Variants in HDAC9 observed in about 807,000 individuals in gnomAD.
HDAC9 encodes histone deacetylase 9.
A neutral mutation model predicts 139.4 loss-of-function variants in HDAC9; 41 were observed. That is an observed-to-expected ratio of 0.29 (90% CI 0.23 to 0.38). HDAC9 has a LOEUF of 0.38. HDAC9 is among the 10% of genes least tolerant of loss of function. The pLI is 1.00. For missense variants in HDAC9, 1,147 were observed against 1,297.0 expected (o/e 0.88, Z 1.78); for synonymous variants, 517 against 476.2 (o/e 1.09, Z -1.12).
chr7:18,990,966 C>T (rs530554748), intron 25 of HDAC9, among the ~76,000 whole-genome samples: 1 of 152,350 alleles, frequency 6.6e-6, no homozygotes, highest in South Asian at 2.1e-4. Flanking sequence ...GTGAGATGAA[C>T]CCGGTACCTC....
chr7:18,180,087 C>T (rs931804637), intron 2 of HDAC9, among the ~76,000 whole-genome samples: 4 of 152,132 alleles, frequency 2.6e-5, no homozygotes, highest in African/African-American at 9.7e-5. Flanking sequence ...TTATGCCATC[C>T]TTTTCAAATT....
chr7:18,453,230 TTATG>T (rs1313844618), intron 1 of HDAC9, among the ~76,000 whole-genome samples: 3 of 152,194 alleles, frequency 2.0e-5, no homozygotes, highest in Admixed American at 1.3e-4. Flanking sequence ...CACTTACTTC[TTATG>T]TATTTCTTAT....
intron 12 of HDAC9, among the ~76,000 whole-genome samples, chr7:18,693,969 A>T (rs1372165775): frequency 6.6e-6 from 1 of 152,190 alleles, no homozygotes; most frequent in Non-Finnish European, 1.5e-5. Context: ...AACTAAAGCA[A>T]AACAGGCTGG....
At chr7:18,602,363 C>T (rs1168916789) in intron 6 of HDAC9, among the ~76,000 whole-genome samples, 1 of 151,756 alleles carries the variant, frequency 6.6e-6, no homozygotes, top group Admixed American at 6.6e-5. Context: ...TCCTGACAGC[C>T]TGACTGTAGT....
At chr7:18,792,805 G>T (rs1008591179) in intron 16 of HDAC9, among the ~76,000 whole-genome samples, 1 of 152,188 alleles carries the variant, frequency 6.6e-6, no homozygotes. Flanking sequence ...TTTAGTTGGA[G>T]AACCTGACTT....
chr7:18,177,800 A>G (rs1247268314), intron 2 of HDAC9, among the ~76,000 whole-genome samples: 2 of 152,158 alleles, frequency 1.3e-5, no homozygotes, highest in Admixed American at 1.3e-4. Flanking sequence ...TAGTTAAGTA[A>G]TATACTGCCC....
chr7:18,432,411 T>A (rs1416422688), intron 1 of HDAC9, among the ~76,000 whole-genome samples: 3 of 152,208 alleles, frequency 2.0e-5, no homozygotes, highest in Non-Finnish European at 1.5e-5. Flanking sequence ...ATGAGGGTCT[T>A]GCACATGGTA....
chr7:18,940,356 G>C (rs1447799561), intron 23 of HDAC9, among the ~76,000 whole-genome samples: 2 of 151,976 alleles, frequency 1.3e-5, no homozygotes, highest in Non-Finnish European at 2.9e-5. Flanking sequence ...GTATACTATT[G>C]GATTAAAACT....
In HDAC9 at chr7:18,771,033, A is replaced by T. The variant is rs147064183; in HGVS notation, c.2214+3878A>T. On this transcript the variant is annotated intron_variant, in intron 16 of 25. Coordinates refer to ENST00000686413, the MANE Select transcript of HDAC9 (RefSeq NM_178425.4). Reference sequence around the variant, plus strand: ...AAAGGCAGAAAAATAAACGTGGTCAATGGGTAGTGTCAGACCCTTGATTGG... The same window carrying T: ...AAAGGCAGAAAAATAAACGTGGTCATTGGGTAGTGTCAGACCCTTGATTGG... Among the ~76,000 whole-genome samples, 81 of 152,288 alleles carry T rather than the reference A, an allele frequency of 5.3e-4. 1 individual carries two copies. The East Asian group carries it at 0.014, about 26-fold the overall frequency.
At chr7:18,618,010 A>G (rs1460266318) in intron 6 of HDAC9, among the ~76,000 whole-genome samples, 2 of 152,264 alleles carry the variant, frequency 1.3e-5, no homozygotes, top group East Asian at 3.9e-4. Flanking sequence ...TAGTCTTTTA[A>G]ATATTATTTT....
intron 2 of HDAC9, among the ~76,000 whole-genome samples, chr7:18,252,726 T>A (rs930353634): frequency 3.3e-5 from 5 of 151,874 alleles, no homozygotes; most frequent in African/African-American, 4.8e-5. Context: ...CTTTTTTTTT[T>A]ATTTTTGTTG....
At chr7:18,256,069 A>C (rs1795221899) in intron 2 of HDAC9, among the ~76,000 whole-genome samples, 1 of 122,850 alleles carries the variant, frequency 8.1e-6, no homozygotes, top group East Asian at 2.6e-4. Context: ...CATATCTAGG[A>C]CTTTTCTTCT....
chr7:18,948,370 G>A lies in HDAC9; in HGVS notation c.2938-5776G>A, dbSNP rs900986162. 2.0e-4 allele frequency among the ~76,000 whole-genome samples: 30 copies of A among 151,912 alleles called. 1 individual carries two copies. Among genetic ancestry groups the A allele is most frequent in the Admixed American group, 1.8e-3 (27 of 15,260 alleles). ...ATTAATATGTAAATTTAACAAAGTGGGTAGTTAATTAAAAATCAGTGAAAA... is the reference window on the plus strand; with the variant it reads ...ATTAATATGTAAATTTAACAAAGTGAGTAGTTAATTAAAAATCAGTGAAAA... On this transcript the variant is annotated intron_variant, in intron 23 of 25. Transcript: ENST00000686413.
chr7:18,732,950 T>TGTGC, intron 13 of HDAC9, among the ~76,000 whole-genome samples: 2 of 102,424 alleles, frequency 2.0e-5, no homozygotes, highest in Admixed American at 8.7e-5. Flanking sequence ...TATACACACG[T>TGTGC]GTATGTGTGT....
At chr7:18,361,445 C>T (rs535105289) in intron 1 of HDAC9, among the ~76,000 whole-genome samples, 2 of 152,126 alleles carry the variant, frequency 1.3e-5, no homozygotes, top group South Asian at 4.1e-4. Flanking sequence ...TATTCACTGC[C>T]TTCCCTACCC....
chr7:18,631,239 A>G (rs982917443), intron 7 of HDAC9, among the ~76,000 whole-genome samples: 3 of 152,144 alleles, frequency 2.0e-5, no homozygotes, highest in African/African-American at 7.2e-5. Flanking sequence ...ATTTCGTGAG[A>G]TAAGCACTCG....
In HDAC9 at chr7:18,997,312, A is replaced by C. The variant is rs991972321; in HGVS notation, c.*1250A>C. Reference sequence around the variant, plus strand: ...GTGCCTTCTTGTGAAAAAAAAAAAAAACAAAAACAAAAAACAGCCTTTAAA... The same window carrying C: ...GTGCCTTCTTGTGAAAAAAAAAAAACACAAAAACAAAAAACAGCCTTTAAA... On this transcript the variant is annotated 3_prime_UTR_variant, in exon 26 of 26. Coordinates refer to ENST00000686413, the MANE Select transcript of HDAC9 (RefSeq NM_178425.4). 1 of 144,368 alleles carries C rather than the reference A, an allele frequency of 6.9e-6. No individual in the cohort carries two copies. Among genetic ancestry groups the C allele is most frequent in the African/African-American group, 2.6e-5 (1 of 39,172 alleles). 8.9% of individuals were successfully genotyped at this position (144,368 alleles called of 1,614,324 possible). A position where few individuals can be genotyped will look rare whatever the true frequency, so the allele number is the denominator to read the frequency against.
intron 1 of HDAC9, among the ~76,000 whole-genome samples, chr7:18,471,838 A>T (rs998464250): frequency 4.6e-5 from 7 of 152,188 alleles, no homozygotes; most frequent in Non-Finnish European, 8.8e-5. Flanking sequence ...TACCAGAAGG[A>T]TGTGGGAGAA....
intron 22 of HDAC9, among the ~76,000 whole-genome samples, chr7:18,921,012 G>A (rs1033486669): frequency 5.3e-5 from 8 of 152,020 alleles, no homozygotes; most frequent in Non-Finnish European, 1.0e-4. Flanking sequence ...AATGGTGCTG[G>A]GAAAACTGGC....
Sources: allele counts gnomAD v4.1 joint callset (sites outside exome capture counted in the v4.1 genomes callset), GRCh38; gene constraint gnomAD v4.1.1; transcripts MANE v1.5; gene names NCBI Gene and HGNC (gene_info 2026-07-23, HGNC 2026-07-21).